Variants in ELFN2 observed in about 807,000 individuals in gnomAD.
The protein encoded by ELFN2 is protein phosphatase 1 regulatory subunit 29.
In ELFN2, 17 loss-of-function variants were observed where a neutral mutation model predicts 45.5. The observed-to-expected ratio is 0.37, with a 90% CI of 0.26 to 0.56. ELFN2 has a LOEUF of 0.56. Ranked by LOEUF, ELFN2 falls within the 20% of genes least tolerant of loss-of-function variation. ELFN2 has a pLI of 0.77. For synonymous variants in ELFN2, 550 were observed against 551.5 expected (o/e 1.00, Z 0.04); for missense variants, 922 against 1,183.2 (o/e 0.78, Z 3.24).
intron 1 of ELFN2, among the ~76,000 whole-genome samples, chr22:37,420,980 C>T (rs1327685691): frequency 6.6e-6 from 1 of 152,120 alleles, no homozygotes; most frequent in African/African-American, 2.4e-5. Context: ...AATTAATCTT[C>T]GGGAAAGCAT....
At chr22:37,364,722 A>G (rs1384266038), downstream of ELFN2, among the ~76,000 whole-genome samples, 1 of 152,208 alleles carries the variant, frequency 6.6e-6, no homozygotes, top group Non-Finnish European at 1.5e-5. Context: ...GGCCAAATCC[A>G]GGGGCCTTCC....
intron 2 of ELFN2, among the ~76,000 whole-genome samples, chr22:37,380,836 G>A (rs961115368): frequency 4.6e-5 from 7 of 152,176 alleles, no homozygotes; most frequent in Admixed American, 1.3e-4. Context: ...GACTCAAGCC[G>A]GGGGTCTGAA....
At chr22:37,415,917 A>C (rs774670163) in intron 2 of ELFN2, among the ~76,000 whole-genome samples, 6 of 152,268 alleles carry the variant, frequency 3.9e-5, no homozygotes, top group South Asian at 2.1e-4. Context: ...GAGCAGAGAT[A>C]GTGCCACTGC....
intron 2 of ELFN2, among the ~76,000 whole-genome samples, chr22:37,402,361 T>C (rs75865823): frequency 0.013 from 1,913 of 152,300 alleles, 46 homozygotes; most frequent in African/African-American, 0.044. Flanking sequence ...TTTGATGCCA[T>C]CCAAACTGAC....
At chr22:37,425,954 G>T (rs1241250890) in intron 1 of ELFN2, among the ~76,000 whole-genome samples, 1 of 151,314 alleles carries the variant, frequency 6.6e-6, no homozygotes, top group East Asian at 1.9e-4. Context: ...CGGTAACCGC[G>T]CCGGGCAGTC....
At chr22:37,409,674 G>C (rs957936596) in intron 2 of ELFN2, among the ~76,000 whole-genome samples, 1 of 152,238 alleles carries the variant, frequency 6.6e-6, no homozygotes, top group Non-Finnish European at 1.5e-5. Flanking sequence ...TGAAGTGGGT[G>C]AAAGTAGAAA....
intron 1 of ELFN2, among the ~76,000 whole-genome samples, chr22:37,423,336 G>A (rs1333394111): frequency 6.6e-6 from 1 of 152,206 alleles, no homozygotes; most frequent in Non-Finnish European, 1.5e-5. Flanking sequence ...CCCTAGGGCA[G>A]GGTCACTGCA....
At chr22:37,362,094 G>A (rs962559291) in intron 1 of ELFN2, among the ~76,000 whole-genome samples, 1 of 152,224 alleles carries the variant, frequency 6.6e-6, no homozygotes, top group South Asian at 2.1e-4. Flanking sequence ...CAACTGGACA[G>A]TCAATCCTGG....
downstream of ELFN2, among the ~76,000 whole-genome samples, chr22:37,366,644 A>G (rs1931213144): frequency 6.6e-6 from 1 of 152,232 alleles, no homozygotes; most frequent in South Asian, 2.1e-4. Flanking sequence ...CTGAGGGGAC[A>G]GAGCCTGTCA....
chr22:37,396,579 G>T (rs1027759165), intron 2 of ELFN2, among the ~76,000 whole-genome samples: 1 of 152,198 alleles, frequency 6.6e-6, no homozygotes, highest in Admixed American at 6.5e-5. Context: ...TGCAGCAGGT[G>T]AGGAAACTGA....
chr22:37,393,310 C>T (rs1379662894), intron 2 of ELFN2, among the ~76,000 whole-genome samples: 2 of 152,240 alleles, frequency 1.3e-5, no homozygotes, highest in African/African-American at 2.4e-5. Flanking sequence ...CTGGAGGTTT[C>T]CTTATGCTCC....
intron 1 of ELFN2, among the ~76,000 whole-genome samples, chr22:37,422,004 C>T (rs563322602): frequency 3.9e-5 from 6 of 152,322 alleles, no homozygotes; most frequent in African/African-American, 1.4e-4. Flanking sequence ...ACTAGGCCCA[C>T]GGCAGGCTGG....
At position 37,392,781 on chromosome 22, in the gene ELFN2, A is replaced by G. The variant is rs1439586173; in HGVS notation, c.-462-16785T>C. On this transcript the variant is annotated intron_variant, in intron 2 of 2. Coordinates refer to ENST00000402918, the MANE Select transcript of ELFN2 (RefSeq NM_052906.5). ...GTATATTCCACTCTCAGTGGCTGCT[A>G]GAGACCTCTGGTTGGTTAATGCCCA... is the stretch of plus-strand genomic sequence containing the variant. Among the ~76,000 whole-genome samples, 5 of 152,148 alleles carry G rather than the reference A, an allele frequency of 3.3e-5. No individual in the cohort carries two copies. The East Asian group carries it at 7.7e-4, about 23-fold the overall frequency.
chr22:37,373,635 T>C lies in ELFN2; in HGVS notation c.1900A>G (p.Ser634Gly). Residue 634 changes from serine (S) to glycine (G), a missense_variant, in exon 3 of 3, where the codon AGT (serine) becomes GGT (glycine). By Grantham distance (56) the Ser-to-Gly change is moderately conservative. Around this residue, in one of 2 missense-constraint regions of ELFN2, gnomAD observed 564 missense variants for 642.8 expected, o/e 0.88. Transcript: ENST00000402918. ...VTRKTCSVSS[S>G]GSIKSAKVFS... is the part of the protein sequence containing the mutation. ...ACCTTGGCGCTCTTGATGGAACCAC[T>C]GGACGACACGCTGCAGGTCTTGCGG... The C allele has an allele frequency of 5.0e-6, 8 of 1,597,108 alleles. No homozygotes were observed. The highest frequency in any genetic ancestry group is 6.8e-6 in the Non-Finnish European group (8 of 1,172,682).
Position 37,375,778 on chromosome 22 carries a change from C to T in ELFN2, c.-244G>A, listed in dbSNP as rs1291633875. 3 of 558,650 alleles carry T rather than the reference C, an allele frequency of 5.4e-6. No homozygotes were observed. The highest frequency in any genetic ancestry group is 9.7e-6 in the Non-Finnish European group (3 of 310,302). The allele number at this position is 558,650 out of a possible 1,614,324, so 34.6% of individuals were successfully genotyped here. On this transcript the variant is annotated 5_prime_UTR_variant, in exon 3 of 3. Coordinates refer to ENST00000402918, the MANE Select transcript of ELFN2 (RefSeq NM_052906.5). ...CCCCACAGCCTGCTCCCCACCGCAG[C>T]GTTGCTCCTTGTCTCCTGCTAGGAA...
intron 1 of ELFN2, among the ~76,000 whole-genome samples, chr22:37,421,628 G>A (rs1290002456): frequency 6.6e-6 from 1 of 152,206 alleles, no homozygotes; most frequent in East Asian, 1.9e-4. Flanking sequence ...TCCTGCCTGA[G>A]CCCCGGGGCC....
At chr22:37,426,606 C>G (rs890413781) in intron 1 of ELFN2, among the ~76,000 whole-genome samples, 1 of 146,418 alleles carries the variant, frequency 6.8e-6, no homozygotes, top group Non-Finnish European at 1.5e-5. Flanking sequence ...AGCCCACACA[C>G]GCACGCACAC....
In ELFN2 at chr22:37,375,836, C is replaced by CCT; in HGVS notation, c.-303_-302insAG. ...GGGTTCTCAGGGCTTGACTTCCTCT[C>CCT]CCTCCTCCTCCTCCTCCTCCTCCTC... On this transcript the variant is annotated 5_prime_UTR_variant, in exon 3 of 3. Transcript: ENST00000402918. 4 of 345,380 alleles carry CCT rather than the reference C, an allele frequency of 1.2e-5. No homozygotes were observed. The highest frequency in any genetic ancestry group is 6.3e-5 in the South Asian group (1 of 15,946). 21.4% of individuals were successfully genotyped at this position (345,380 alleles called of 1,614,324 possible). A position where few individuals can be genotyped will look rare whatever the true frequency, so the allele number is the denominator to read the frequency against.
intron 2 of ELFN2, among the ~76,000 whole-genome samples, chr22:37,413,114 G>T (rs1277643931): frequency 2.6e-5 from 4 of 152,164 alleles, no homozygotes; most frequent in Non-Finnish European, 2.9e-5. Flanking sequence ...GGTACAGGAA[G>T]AAAATCCCGG....
Sources: gnomAD v4.1 joint callset for allele counts (sites outside exome capture counted in the v4.1 genomes callset) on GRCh38, gnomAD v4.1.1 for gene constraint, gnomAD v4.1.1 regional missense constraint, MANE v1.5 for transcripts, NCBI Gene and HGNC (gene_info 2026-07-23, HGNC 2026-07-21) for gene names.